Variants in TBCD observed in about 807,000 individuals in gnomAD.
TBCD encodes tubulin folding cofactor D.
Under a neutral mutation model 169.3 loss-of-function variants are expected in TBCD, and 105 were observed. That is an observed-to-expected ratio of 0.62 (90% CI 0.53 to 0.73). The LOEUF (loss-of-function observed/expected upper bound fraction) is 0.73. Ranked by LOEUF, TBCD falls within the 30% of genes least tolerant of loss-of-function variation. The pLI is 0.00. For missense variants in TBCD, 1,444 were observed against 1,600.1 expected (o/e 0.90, Z 1.66); for synonymous variants, 700 against 643.9 (o/e 1.09, Z -1.32).
chr17:82,908,366 A>AGGGGG (rs2146862716), intron 21 of TBCD: 1 of 456,642 alleles, frequency 2.2e-6, no homozygotes, highest in African/African-American at 2.0e-5. Flanking sequence ...CGTCTGTCGG[A>AGGGGG]TTTCTCTGGG....
intron 13 of TBCD, among the ~76,000 whole-genome samples, chr17:82,817,827 T>C (rs2052052648): frequency 6.6e-6 from 1 of 152,390 alleles, no homozygotes; most frequent in Non-Finnish European, 1.5e-5. Flanking sequence ...CTTGTGTTTC[T>C]GGTGTCATAG....
Position 82,923,560 on chromosome 17 carries a change from C to T in TBCD, c.2179-92C>T, listed in dbSNP as rs1238679877. ...TGACCACGGTGTCCCTGGTCAGGTG[C>T]TTCTCCGACTTCAGAGTGACCTGCT... On this transcript the variant is annotated intron_variant, in intron 25 of 38. Coordinates refer to ENST00000355528, the MANE Select transcript of TBCD (RefSeq NM_005993.5). This position sits in a 1 kb window ranked among gnomAD's most constrained non-coding sequence, Gnocchi z 4.6. The T allele has an allele frequency of 5.7e-6, 6 of 1,052,948 alleles. No homozygotes were observed. Among genetic ancestry groups the T allele is most frequent in the Non-Finnish European group, 8.4e-6 (6 of 711,318 alleles). 65.2% of individuals were successfully genotyped at this position (1,052,948 alleles called of 1,614,324 possible). A position where few individuals can be genotyped will look rare whatever the true frequency, so the allele number is the denominator to read the frequency against.
At chr17:82,929,906 C>A in intron 32 of TBCD, 1 of 369,132 alleles carries the variant, frequency 2.7e-6, no homozygotes, top group Non-Finnish European at 5.2e-6. Flanking sequence ...GGAGGGTCTC[C>A]AGAGCCTTGG....
rs1465385578 is a variant in TBCD at position 82,782,910 on chromosome 17, G to A, written c.771+1189G>A. On this transcript the variant is annotated intron_variant, in intron 7 of 38. Coordinates refer to ENST00000355528, the MANE Select transcript of TBCD (RefSeq NM_005993.5). This position sits in a 1 kb window ranked among gnomAD's most constrained non-coding sequence, Gnocchi z 5.1. Reference sequence around the variant, plus strand: ...TCCATGGCGTTGTCTTCCTGTCTGCGGTGTCGTCTTCCTGTCCATGGCGGC... The same window carrying A: ...TCCATGGCGTTGTCTTCCTGTCTGCAGTGTCGTCTTCCTGTCCATGGCGGC... 2.0e-5 allele frequency among the ~76,000 whole-genome samples: 3 copies of A among 151,240 alleles called. No homozygotes were observed. The highest frequency in any genetic ancestry group is 1.9e-4 in the East Asian group (1 of 5,148).
At chr17:82,800,174 C>A (rs554489557) in intron 8 of TBCD, among the ~76,000 whole-genome samples, 41 of 152,294 alleles carry the variant, frequency 2.7e-4, no homozygotes, top group Middle Eastern at 6.8e-3. Context: ...CAGCCCATCT[C>A]TGAAGCCGCC....
chr17:82,766,975 A>G (rs147282722), intron 4 of TBCD, among the ~76,000 whole-genome samples: 2,911 of 152,238 alleles, frequency 0.019, 32 homozygotes, highest in Non-Finnish European at 0.028. Flanking sequence ...CCACATGGAC[A>G]CCTCTGCCTG....
chr17:82,758,598 C>T (rs1412587937), intron 2 of TBCD, among the ~76,000 whole-genome samples: 2 of 145,026 alleles, frequency 1.4e-5, no homozygotes, highest in East Asian at 2.0e-4. Context: ...AAAATGTAGT[C>T]GTGGGATGCT....
intron 12 of TBCD, among the ~76,000 whole-genome samples, chr17:82,812,530 C>T (rs1389435262): frequency 6.6e-6 from 1 of 152,162 alleles, no homozygotes; most frequent in Admixed American, 6.5e-5. Flanking sequence ...CAGGTGTGAG[C>T]AGATGGATAC....
chr17:82,923,406 C>T lies in TBCD; in HGVS notation c.2179-246C>T, dbSNP rs1398331142. Among the ~76,000 whole-genome samples the T allele has an allele frequency of 3.9e-5, 6 of 152,086 alleles. No individual in the cohort carries two copies. Among genetic ancestry groups the T allele is most frequent in the South Asian group, 2.1e-4 (1 of 4,824 alleles). The stretch of plus-strand genomic sequence containing the variant: ...GCTGTGCCGAGATCTCAGGGTGACC[C>T]GCTGTGTCCCTGGTCAGGTCCTTCT... On this transcript the variant is annotated intron_variant, in intron 25 of 38. Transcript: ENST00000355528. This position sits in a 1 kb window ranked among gnomAD's most constrained non-coding sequence, Gnocchi z 4.6.
At chr17:82,894,512 C>T (rs1377842757) in intron 17 of TBCD, among the ~76,000 whole-genome samples, 7 of 152,152 alleles carry the variant, frequency 4.6e-5, no homozygotes, top group South Asian at 2.1e-4. Flanking sequence ...GCAGAAAGGA[C>T]GTTTCTCCGT....
intron 28 of TBCD, among the ~76,000 whole-genome samples, 166 bp downstream of exon 28, chr17:82,926,657 C>G (rs1258459421): frequency 6.6e-6 from 1 of 152,210 alleles, no homozygotes; most frequent in East Asian, 1.9e-4. Context: ...CTCTTTCATT[C>G]TCTTGCTGTC....
chr17:82,931,524 G>A (rs971397933), intron 33 of TBCD, among the ~76,000 whole-genome samples: 1 of 146,990 alleles, frequency 6.8e-6, no homozygotes, highest in Non-Finnish European at 1.5e-5. Flanking sequence ...CCGCCTTGCC[G>A]TTCGCTCATT....
At chr17:82,752,841 G>A (rs1052288832) in intron 1 of TBCD, among the ~76,000 whole-genome samples, 2 of 152,190 alleles carry the variant, frequency 1.3e-5, no homozygotes, top group African/African-American at 4.8e-5. Context: ...TAGGGAATGA[G>A]AGAGGGGGAC....
intron 13 of TBCD, among the ~76,000 whole-genome samples, chr17:82,834,310 G>A (rs906667864): frequency 2.6e-5 from 4 of 152,212 alleles, no homozygotes; most frequent in South Asian, 2.1e-4. Flanking sequence ...AGCGACTCAA[G>A]CAGCAACTGT....
At chr17:82,823,465 T>C (rs2052575970) in intron 13 of TBCD, among the ~76,000 whole-genome samples, 1 of 152,228 alleles carries the variant, frequency 6.6e-6, no homozygotes, top group South Asian at 2.1e-4. Context: ...TTGTTCTTTT[T>C]TTGTGTTAAT....
chr17:82,858,613 G>A (rs1396909042), intron 13 of TBCD: 1 of 985,224 alleles, frequency 1.0e-6, no homozygotes, highest in Non-Finnish European at 1.2e-6. Flanking sequence ...TGGTTCGCTG[G>A]GTGTGCCTCA....
intron 13 of TBCD, among the ~76,000 whole-genome samples, chr17:82,843,068 C>G (rs2054665303): frequency 6.6e-6 from 1 of 152,158 alleles, no homozygotes; most frequent in Non-Finnish European, 1.5e-5. Flanking sequence ...GTGTGAGCCA[C>G]CACACCCGGC....
chr17:82,885,916 C>T (rs1184418120), intron 15 of TBCD, among the ~76,000 whole-genome samples: 1 of 152,138 alleles, frequency 6.6e-6, no homozygotes, highest in Admixed American at 6.5e-5. Flanking sequence ...GATTGAGGGC[C>T]TCATAATTGG....
chr17:82,858,520 T>A (rs2056502027), intron 13 of TBCD: 1 of 962,512 alleles, frequency 1.0e-6, no homozygotes, highest in East Asian at 1.1e-4. Context: ...GGCTGGAGGA[T>A]CCCAGTTGAC....
Sources: gnomAD v4.1 joint callset for allele counts (sites outside exome capture counted in the v4.1 genomes callset) on GRCh38, gnomAD v4.1.1 for gene constraint, Gnocchi (gnomAD v3.1) non-coding constraint, MANE v1.5 for transcripts, NCBI Gene and HGNC (gene_info 2026-07-23, HGNC 2026-07-21) for gene names.